The following SLC5A11 variants were observed in gnomAD, a reference collection of about 807,000 sequenced individuals.
SLC5A11 encodes the protein solute carrier family 5 member 11, also known as sodium/myo-inositol cotransporter 2.
SLC5A11 carries 48 observed loss-of-function variants against 69.8 expected under a neutral mutation model. The observed-to-expected ratio is 0.69, with a 90% CI of 0.55 to 0.87. SLC5A11 has a LOEUF of 0.87. Among genes scored for constraint, SLC5A11 ranks in the 40% least tolerant of loss-of-function variants. SLC5A11 has a pLI of 0.00. For synonymous variants in SLC5A11, 319 were observed against 342.4 expected, an observed-to-expected ratio of 0.93 and a Z score of 0.75; for missense variants, 784 against 866.1, an observed-to-expected ratio of 0.91 and a Z score of 1.19.
intron 9 of SLC5A11, among the ~76,000 whole-genome samples, chr16:24,891,895 T>A (rs2048834602): frequency 6.6e-6 from 1 of 151,908 alleles, no homozygotes; most frequent in African/African-American, 2.4e-5. Context: ...AATATCATTT[T>A]AAAAAGTAGA....
intron 8 of SLC5A11, among the ~76,000 whole-genome samples, chr16:24,886,101 C>G (rs1473265610): frequency 6.7e-6 from 1 of 148,744 alleles, no homozygotes; most frequent in Non-Finnish European, 1.5e-5. Flanking sequence ...GTGGCATGAT[C>G]TTGGCTCACT....
chr16:24,896,339 T>A (rs951045593), intron 9 of SLC5A11, among the ~76,000 whole-genome samples: 1 of 151,962 alleles, frequency 6.6e-6, no homozygotes, highest in African/African-American at 2.4e-5. Flanking sequence ...AATAAAAATT[T>A]TAAAAATTAG....
intron 8 of SLC5A11, among the ~76,000 whole-genome samples, chr16:24,887,732 T>C (rs745635257): frequency 2.4e-4 from 36 of 152,318 alleles, no homozygotes; most frequent in Middle Eastern, 3.4e-3. Context: ...TGTTTTTCTC[T>C]TCCTTAGCTA....
Position 24,897,715 on chromosome 16 carries a change from T to C in SLC5A11, c.871-259T>C, listed in dbSNP as rs918225979. Among the ~76,000 whole-genome samples, 3 of 152,246 alleles carry C rather than the reference T, an allele frequency of 2.0e-5. No homozygotes were observed. The South Asian group carries it at 6.2e-4, about 32-fold the overall frequency. On this transcript the variant is annotated intron_variant, in intron 9 of 15. Transcript: ENST00000347898. ...AAAGAGGAGCAAGTCACGTCTTACA[T>C]GGATGGCAGCAGGCAAAGAGAGAAT...
At chr16:24,903,125 A>G (rs1456592841) in intron 10 of SLC5A11, among the ~76,000 whole-genome samples, 3 of 151,806 alleles carry the variant, frequency 2.0e-5, no homozygotes, top group Non-Finnish European at 2.9e-5. Flanking sequence ...GGAACTTGTT[A>G]GAAGTGCAAA....
chr16:24,892,503 C>T (rs993908461), intron 9 of SLC5A11, among the ~76,000 whole-genome samples: 4 of 149,214 alleles, frequency 2.7e-5, no homozygotes, highest in East Asian at 2.0e-4. Context: ...TGTCCATAAA[C>T]TCTGGATGGA....
intron 1 of SLC5A11, among the ~76,000 whole-genome samples, chr16:24,849,861 C>T (rs2059223364): frequency 6.6e-6 from 1 of 151,886 alleles, no homozygotes; most frequent in Non-Finnish European, 1.5e-5. Flanking sequence ...ATACCTGAAG[C>T]CGTGGCTCTT....
At chr16:24,880,105 T>G (rs936627858) in intron 7 of SLC5A11, among the ~76,000 whole-genome samples, 6 of 152,124 alleles carry the variant, frequency 3.9e-5, no homozygotes, top group Non-Finnish European at 8.8e-5. Flanking sequence ...TGAACTAATT[T>G]ACACTCTGTA....
intron 8 of SLC5A11, among the ~76,000 whole-genome samples, chr16:24,885,908 A>G (rs2048365744): frequency 6.6e-6 from 1 of 152,146 alleles, no homozygotes; most frequent in South Asian, 2.1e-4. Flanking sequence ...AAAAGATTAC[A>G]GAAGATTACA....
intron 10 of SLC5A11, among the ~76,000 whole-genome samples, chr16:24,901,837 C>T (rs187716724): frequency 1.6e-4 from 24 of 149,906 alleles, no homozygotes; most frequent in African/African-American, 5.9e-4. Flanking sequence ...GTAATCCCAG[C>T]TCTTTGGGAG....
At chr16:24,854,597 A>G (rs999975087) in intron 1 of SLC5A11, among the ~76,000 whole-genome samples, 1 of 151,962 alleles carries the variant, frequency 6.6e-6, no homozygotes, top group Non-Finnish European at 1.5e-5. Context: ...ACCCACCTAA[A>G]AAAATTGCAT....
intron 3 of SLC5A11, among the ~76,000 whole-genome samples, chr16:24,868,281 T>G (rs1295808321): frequency 1.4e-5 from 2 of 142,564 alleles, no homozygotes; most frequent in Admixed American, 7.2e-5. Context: ...GCTTTACAGA[T>G]TCTTCCAAAA....
At chr16:24,905,640 G>A (rs867320959) in intron 10 of SLC5A11, among the ~76,000 whole-genome samples, 3,522 of 136,628 alleles carry the variant, frequency 0.026, 58 homozygotes, top group South Asian at 0.055. Flanking sequence ...GCGCGCGCGC[G>A]CACACACACA....
chr16:24,872,645 T>C lies in SLC5A11; in HGVS notation c.372+426T>C, dbSNP rs186749328. ...TGGTCTCACCAGCCTCCCCAGCAGCTAGGACCACAGATGCAAGCCACCACA... is the reference window on the plus strand; with the variant it reads ...TGGTCTCACCAGCCTCCCCAGCAGCCAGGACCACAGATGCAAGCCACCACA... On this transcript the variant is annotated intron_variant, in intron 5 of 15. Transcript: ENST00000347898. 1.3e-4 allele frequency among the ~76,000 whole-genome samples: 19 copies of C among 151,970 alleles called. No homozygotes were observed. The East Asian group carries it at 3.5e-3, about 28-fold the overall frequency.
chr16:24,866,580 A>G (rs2046932540), intron 3 of SLC5A11, among the ~76,000 whole-genome samples: 1 of 152,144 alleles, frequency 6.6e-6, no homozygotes, highest in African/African-American at 2.4e-5. Context: ...CTGTCTAAAA[A>G]AAAAAAAAAA....
At chr16:24,910,340 C>A in exon 15 of SLC5A11, 1 of 1,614,076 alleles carries the variant, frequency 6.2e-7, no homozygotes, top group Non-Finnish European at 8.5e-7. Context: ...CGTCACGACC[C>A]CGTGGTCCAG....
At position 24,862,847 on chromosome 16, in the gene SLC5A11, A is replaced by AG. The variant is rs562319145; in HGVS notation, c.207+175_207+176insG. ...TTCGTTTAAACAACAACAAAAAAAA[A>AG]CAATTTGTCACCTCATCTAAGGGAA... On this transcript the variant is annotated intron_variant, in intron 3 of 15. Transcript: ENST00000347898. Among the ~76,000 whole-genome samples the AG allele has an allele frequency of 1.3e-4, 20 of 149,838 alleles. No individual in the cohort carries two copies. The East Asian group carries it at 2.3e-3, about 17-fold the overall frequency.
At chr16:24,849,593 A>AAAAAAATATATATAT in intron 1 of SLC5A11, among the ~76,000 whole-genome samples, 2 of 35,910 alleles carry the variant, frequency 5.6e-5, no homozygotes, top group African/African-American at 1.8e-4. Context: ...AAAAAAAAAA[A>AAAAAAATATATATAT]ATATATATAT....
chr16:24,911,074 C>G (rs2050482176), intron 15 of SLC5A11, among the ~76,000 whole-genome samples: 1 of 147,832 alleles, frequency 6.8e-6, no homozygotes, highest in African/African-American at 2.5e-5. Context: ...GAGGCTGAGG[C>G]AGGAGAATCG....
Sources: gnomAD v4.1 joint callset for allele counts (sites outside exome capture counted in the v4.1 genomes callset) on GRCh38, gnomAD v4.1.1 for gene constraint, MANE v1.5 for transcripts, NCBI Gene and HGNC (gene_info 2026-07-23, HGNC 2026-07-21) for gene names.